Variants in DOCK9 observed in about 807,000 individuals in gnomAD.
DOCK9 encodes dedicator of cytokinesis protein 9.
Under a neutral mutation model 263.3 loss-of-function variants are expected in DOCK9, and 89 were observed. That is an observed-to-expected ratio of 0.34 (90% CI 0.28 to 0.40). The LOEUF is 0.40. Among genes scored for constraint, DOCK9 ranks in the 10% least tolerant of loss-of-function variants. The pLI is 1.00. For synonymous variants in DOCK9, 976 were observed against 973.1 expected, an observed-to-expected ratio of 1.00 and a Z score of -0.06; for missense variants, 2,140 against 2,603.4, an observed-to-expected ratio of 0.82 and a Z score of 3.87.
intron 45 of DOCK9, among the ~76,000 whole-genome samples, chr13:98,823,946 CAG>C (rs2092411472): frequency 6.6e-6 from 1 of 152,190 alleles, no homozygotes; most frequent in Non-Finnish European, 1.5e-5. Context: ...AGGCCCTAGA[CAG>C]GGGTTGCTAT....
intron 49 of DOCK9, 64 bp from the exon 50 acceptor site, chr13:98,800,542 T>C (rs2089998798): frequency 1.3e-6 from 2 of 1,548,266 alleles, no homozygotes; most frequent in Admixed American, 1.9e-5. Flanking sequence ...ATTGAGCTGA[T>C]TATTATTAGA....
chr13:98,856,747 ATTTCT>A (rs2093716463), intron 33 of DOCK9: 1 of 152,176 alleles, frequency 6.6e-6, no homozygotes, highest in Non-Finnish European at 1.5e-5. Flanking sequence ...TATGTGTATT[ATTTCT>A]TTTAAGTGCC....
intron 2 of DOCK9, among the ~76,000 whole-genome samples, chr13:98,949,234 G>A (rs766829470): frequency 7.2e-5 from 11 of 152,080 alleles, no homozygotes; most frequent in Non-Finnish European, 1.3e-4. Flanking sequence ...CACCATGCCC[G>A]GCTAATTTTT....
chr13:98,878,232 A>G (rs2044174349), intron 27 of DOCK9, among the ~76,000 whole-genome samples: 4 of 152,148 alleles, frequency 2.6e-5, no homozygotes, highest in Non-Finnish European at 1.5e-5. Context: ...ATAAATTTCT[A>G]TTTTTTAAGC....
chr13:99,069,409 G>GA (rs1474152344), intron 1 of DOCK9, among the ~76,000 whole-genome samples: 1 of 152,212 alleles, frequency 6.6e-6, no homozygotes, highest in Non-Finnish European at 1.5e-5. Flanking sequence ...TGGGACTAAT[G>GA]AAATATACAA....
intron 2 of DOCK9, among the ~76,000 whole-genome samples, chr13:98,953,822 A>AC (rs34567296): frequency 6.6e-6 from 1 of 152,222 alleles, no homozygotes; most frequent in Non-Finnish European, 1.5e-5. Context: ...GTTTGGCATG[A>AC]CCTCAACCCA....
intron 9 of DOCK9, among the ~76,000 whole-genome samples, chr13:98,912,969 G>C (rs1014863758): frequency 1.6e-4 from 25 of 152,156 alleles, no homozygotes; most frequent in Admixed American, 1.6e-3. Context: ...ATGATACACA[G>C]ACATTCATAA....
intron 1 of DOCK9, among the ~76,000 whole-genome samples, chr13:99,043,646 T>G (rs1229840480): frequency 1.3e-5 from 2 of 152,130 alleles, no homozygotes; most frequent in Non-Finnish European, 2.9e-5. Flanking sequence ...GCCAAGGCTA[T>G]CTATTTTCTT....
chr13:98,855,738 G>A (rs2093691884), intron 34 of DOCK9, among the ~76,000 whole-genome samples, 160 bp downstream of exon 34: 1 of 152,012 alleles, frequency 6.6e-6, no homozygotes, highest in Admixed American at 6.6e-5. Flanking sequence ...CAAGGAATGG[G>A]CCCCAACCTT....
chr13:98,912,058 C>G (rs865808960), intron 9 of DOCK9, among the ~76,000 whole-genome samples: 2 of 151,272 alleles, frequency 1.3e-5, no homozygotes, highest in South Asian at 4.2e-4. Context: ...CTAGTAGAGA[C>G]AGGGTTTTAT....
intron 39 of DOCK9, chr13:98,832,023 C>A (rs890413708): frequency 7.7e-6 from 4 of 521,570 alleles, no homozygotes; most frequent in Non-Finnish European, 1.0e-5. Flanking sequence ...GAAAGGAACA[C>A]TTGCTTAGTA....
At position 98,810,355 on chromosome 13, in the gene DOCK9, T is replaced by C. The variant is rs1290519; in HGVS notation, c.5131-64A>G. On this transcript the variant is annotated intron_variant, in intron 45 of 52. Coordinates refer to ENST00000682017, the MANE Select transcript of DOCK9 (RefSeq NM_001366683.2). ...TATGGGGAACGTGACATGGCACCCG[T>C]TGCAGAATGCTAAGTGCTAAGACTG... 0.13 allele frequency: 211,408 copies of C among 1,592,188 alleles called. 16,446 individuals carry two copies. The highest frequency in any genetic ancestry group is 0.28 in the Admixed American group (16,505 of 59,254).
chr13:98,955,930 G>C (rs1253429149), intron 1 of DOCK9, among the ~76,000 whole-genome samples: 2 of 152,234 alleles, frequency 1.3e-5, no homozygotes, highest in Non-Finnish European at 2.9e-5. Context: ...AACGGCTCCA[G>C]CCACGATACC....
At chr13:98,849,434 C>CTTTTTTTTTTTTTTTT (rs34901221) in intron 36 of DOCK9, among the ~76,000 whole-genome samples, 1 of 148,568 alleles carries the variant, frequency 6.7e-6, no homozygotes, top group Non-Finnish European at 1.5e-5. Context: ...TGCAGAAATT[C>CTTTTTTTTTTTTTTTT]TTTTTTTTTT....
chr13:98,930,175 A>G lies in DOCK9; in HGVS notation c.326T>C (p.Val109Ala), dbSNP rs1325547046. The G allele has an allele frequency of 1.9e-6, 3 of 1,609,642 alleles. No individual in the cohort carries two copies. Among genetic ancestry groups the G allele is most frequent in the Non-Finnish European group, 2.5e-6 (3 of 1,177,914 alleles). ...KAEEEAQSLF[V>A]TECIKTYNSD... is the part of the protein sequence containing the mutation. ...TGCAGGAAAGAGCCTTACCTCTGTA[A>G]CAAACAAGCTCTGTGCTTCCTCTTC... The change falls in exon 3 of 53, where the codon GTT becomes GCT. Residue 109 changes from valine (V) to alanine (A), a missense_variant. Physicochemically the swap from Val to Ala is moderately conservative, Grantham distance 64. This residue lies in a region of DOCK9 where 1,521 missense variants were observed against 1,741.7 expected (regional missense o/e 0.87). Transcript: ENST00000682017.
chr13:98,830,410 T>A, intron 41 of DOCK9, among the ~76,000 whole-genome samples: 1 of 152,202 alleles, frequency 6.6e-6, no homozygotes, highest in East Asian at 1.9e-4. Flanking sequence ...ATGGTCTCCC[T>A]AGCTGAGGTC....
At chr13:98,802,516 C>T (rs2090234888) in intron 49 of DOCK9, among the ~76,000 whole-genome samples, 1 of 152,144 alleles carries the variant, frequency 6.6e-6, no homozygotes. Context: ...GGGCCGGAAG[C>T]TAATCCAGGT....
intron 1 of DOCK9, among the ~76,000 whole-genome samples, chr13:99,000,162 GCTC>G (rs959717414): frequency 6.6e-6 from 1 of 152,034 alleles, no homozygotes; most frequent in Non-Finnish European, 1.5e-5. Context: ...CGCAGAAGGG[GCTC>G]CTATCACCAA....
intron 2 of DOCK9, among the ~76,000 whole-genome samples, chr13:98,954,886 A>T (rs1178526411): frequency 2.0e-5 from 3 of 152,006 alleles, no homozygotes; most frequent in Admixed American, 2.0e-4. Flanking sequence ...ACACACACAC[A>T]CACACACACA....
Sources: gnomAD v4.1 joint callset for allele counts (sites outside exome capture counted in the v4.1 genomes callset) on GRCh38, gnomAD v4.1.1 for gene constraint, gnomAD v4.1.1 regional missense constraint, MANE v1.5 for transcripts, NCBI Gene and HGNC (gene_info 2026-07-23, HGNC 2026-07-21) for gene names.